The following SETD1B variants were observed in gnomAD, a reference collection of about 807,000 sequenced individuals.
SETD1B encodes SET domain containing 1B, histone lysine methyltransferase.
Under a neutral mutation model 148.0 loss-of-function variants are expected in SETD1B, and 7 were observed. The ratio of observed to expected loss-of-function variants is 0.05; its 90% CI spans 0.03 to 0.09. The LOEUF (loss-of-function observed/expected upper bound fraction) is 0.09, where lower values mean the gene tolerates loss of function less well. Among genes scored for constraint, SETD1B ranks in the 10% least tolerant of loss-of-function variants. The pLI, the probability that SETD1B is intolerant of heterozygous loss-of-function variation, is 1.00. For synonymous variants in SETD1B, 1,361 were observed against 1,186.5 expected, an observed-to-expected ratio of 1.15 and a Z score of -3.02; for missense variants, 2,155 against 2,729.9, an observed-to-expected ratio of 0.79 and a Z score of 4.69.
the SETD1B span, chr12:121,794,344 C>T: frequency 1.3e-5 from 2 of 152,274 alleles, no homozygotes; most frequent in Admixed American, 1.3e-4. Context: ...CGCCCTCTGC[C>T]GGGCAATCGC....
chr12:121,814,091 C>T lies in SETD1B; in HGVS notation c.1891-15C>T, dbSNP rs375750959. ...TCCAGACTCACCTCACTGTCTCTCC[C>T]TGCTCTCTCTGCAGGGCCAGCAGTC... On this transcript the variant is annotated splice_polypyrimidine_tract_variant and intron_variant, in intron 6 of 16. Coordinates refer to ENST00000604567, the MANE Select transcript of SETD1B (RefSeq NM_001353345.2). 2 of 1,544,536 alleles carry T rather than the reference C, an allele frequency of 1.3e-6. No individual in the cohort carries two copies. Among genetic ancestry groups the T allele is most frequent in the South Asian group, 2.4e-5 (2 of 83,686 alleles).
At chr12:121,819,984 G>C (rs11043202) in intron 11 of SETD1B, 89 bp downstream of exon 11, 1 of 1,111,012 alleles carries the variant, frequency 9.0e-7, no homozygotes, top group Non-Finnish European at 1.3e-6. Flanking sequence ...GGGGTAGATC[G>C]CTGACCGTCC....
chr12:121,797,652 G>A, the SETD1B span: 2 of 455,316 alleles, frequency 4.4e-6, no homozygotes, highest in African/African-American at 4.0e-5. Context: ...CTGGGAGGGA[G>A]ACGTACATCA....
chr12:121,814,228 C>T lies in SETD1B; in HGVS notation c.2013C>T (p.Ala671=), dbSNP rs1417791308. The part of the protein sequence containing the change: ...VVTPGAAAVA[A]PSVLAPTLPL... ...CCCCAGGAGCGGCAGCCGTGGCAGC[C>T]CCTTCTGTGCTAGCCCCAACCCTGC... The change falls in exon 7 of 17, where the codon GCC becomes GCT. Residue 671 remains alanine, a synonymous_variant. Transcript: ENST00000604567. The T allele has an allele frequency of 8.5e-6, 13 of 1,534,086 alleles. No homozygotes were observed. Among genetic ancestry groups the T allele is most frequent in the Non-Finnish European group, 1.1e-5 (13 of 1,144,258 alleles).
At chr12:121,797,242 C>T in the SETD1B span, 882 of 360,556 alleles carry the variant, frequency 2.4e-3, 10 homozygotes, top group African/African-American at 0.017. Flanking sequence ...GCGGAGAGGC[C>T]GGAAGAGGCG....
At chr12:121,825,515 GT>G in intron 13 of SETD1B, 149 bp downstream of exon 13, 1 of 619,560 alleles carries the variant, frequency 1.6e-6, no homozygotes, top group Non-Finnish European at 2.7e-6. Context: ...GGAGAGGCGG[GT>G]GGGCGGGGCC....
At position 121,810,346 on chromosome 12, in the gene SETD1B, G is replaced by A; in HGVS notation, c.1401G>A (p.Arg467=). ...CCAACAGCATGGAGCTGGGCGGCCG[G>A]CCCACCTTCGGCTGGAGTCCTGAGC... is the stretch of plus-strand genomic sequence containing the variant. The part of the protein sequence containing the change: ...PDTNSMELGG[R]PTFGWSPEPC... Residue 467 remains arginine, a synonymous_variant, in exon 6 of 17, where the codon CGG becomes CGA. Transcript: ENST00000604567. This position sits in a 1 kb window ranked among gnomAD's most constrained non-coding sequence, Gnocchi z 7.6. The A allele has an allele frequency of 6.5e-7, 1 of 1,546,384 alleles. No individual in the cohort carries two copies. The highest frequency in any genetic ancestry group is 8.7e-7 in the Non-Finnish European group (1 of 1,146,728).
intron 11 of SETD1B, among the ~76,000 whole-genome samples, chr12:121,821,553 C>G (rs558992906): frequency 2.2e-4 from 34 of 151,954 alleles, no homozygotes; most frequent in African/African-American, 7.7e-4. Context: ...AGTTTGAGAC[C>G]AGCCAGGCCA....
upstream of SETD1B, chr12:121,799,547 GC>G: frequency 6.6e-6 from 1 of 152,386 alleles, no homozygotes; most frequent in Non-Finnish European, 1.5e-5. Context: ...GGCACCCAGG[GC>G]CCTCCCCCCG....
chr12:121,815,919 C>T (rs554360858), intron 7 of SETD1B, among the ~76,000 whole-genome samples: 1 of 151,184 alleles, frequency 6.6e-6, no homozygotes, highest in South Asian at 2.1e-4. Context: ...CCTCCACCTC[C>T]TGGGTTCAAG....
chr12:121,827,851 T>A lies in SETD1B; in HGVS notation c.5586T>A (p.Arg1862=). The change falls in exon 15 of 17, where the codon CGT becomes CGA. Residue 1862 remains arginine (R), a synonymous_variant. Coordinates refer to ENST00000604567, the MANE Select transcript of SETD1B (RefSeq NM_001353345.2). ...TCGAGTACGTGGGCCAGAATATCCG[T>A]CAGGTAGGCACCGCCCGGCAGGATG... ...MVIEYVGQNI[R]QVIADMREKR... is the part of the protein sequence containing the mutation. 1 of 1,558,098 alleles carries A rather than the reference T, an allele frequency of 6.4e-7. No homozygotes were observed. Among genetic ancestry groups the A allele is most frequent in the South Asian group, 1.2e-5 (1 of 84,560 alleles).
At position 121,810,151 on chromosome 12, in the gene SETD1B, C is replaced by T; in HGVS notation, c.1206C>T (p.Thr402=). The T allele has an allele frequency of 6.5e-7, 1 of 1,550,014 alleles. No homozygotes were observed. The highest frequency in any genetic ancestry group is 8.7e-7 in the Non-Finnish European group (1 of 1,146,860). The change falls in exon 6 of 17, where the codon ACC becomes ACT. Residue 402 remains threonine (T), a synonymous_variant. Coordinates refer to ENST00000604567, the MANE Select transcript of SETD1B (RefSeq NM_001353345.2). The surrounding 1 kb of genome is among the most constrained non-coding windows in gnomAD (Gnocchi z 7.6). ...AGTCTGCTTTCTCTCCGTATCAGAC[C>T]CCAGTGGCCCACTTCCCTCCACCCC... ...GFKSAFSPYQ[T]PVAHFPPPPE...
rs1385440002 is a variant in SETD1B at position 121,805,518 on chromosome 12, G to A, written c.273+302G>A. ...CTACAGGACAACTTCTTAAGCCTGA[G>A]GGGTCGCCCCTGACCCGGCAGCAGG... On this transcript the variant is annotated intron_variant, in intron 3 of 16. Coordinates refer to ENST00000604567, the MANE Select transcript of SETD1B (RefSeq NM_001353345.2). The surrounding 1 kb of genome is among the most constrained non-coding windows in gnomAD (Gnocchi z 4.2). Among the ~76,000 whole-genome samples, 1 of 152,140 alleles carries A rather than the reference G, an allele frequency of 6.6e-6. No individual in the cohort carries two copies. The highest frequency in any genetic ancestry group is 1.5e-5 in the Non-Finnish European group (1 of 68,010).
chr12:121,804,605 G>A lies in SETD1B; in HGVS notation c.-14-119G>A, dbSNP rs1431379606. 3 of 808,494 alleles carry A rather than the reference G, an allele frequency of 3.7e-6. No homozygotes were observed. The highest frequency in any genetic ancestry group is 5.6e-5 in the East Asian group (2 of 35,844). 50.1% of individuals were successfully genotyped at this position (808,494 alleles called of 1,614,324 possible). ...GGGAGCCAGCGAGACAGCTCCTTTC[G>A]GGGCGCGCTGGCAAGGTGGGAGGGG... On this transcript the variant is annotated intron_variant, in intron 1 of 16. Transcript: ENST00000604567. This position sits in a 1 kb window ranked among gnomAD's most constrained non-coding sequence, Gnocchi z 4.6.
intron 7 of SETD1B, among the ~76,000 whole-genome samples, 193 bp downstream of exon 7, chr12:121,815,123 G>T (rs1031771247): frequency 6.6e-6 from 1 of 152,134 alleles, no homozygotes; most frequent in African/African-American, 2.4e-5. Context: ...AGATGCACAC[G>T]GCTCTTTGAA....
At chr12:121,798,382 G>C in the SETD1B span, among the ~76,000 whole-genome samples, 2 of 152,106 alleles carry the variant, frequency 1.3e-5, no homozygotes, top group Non-Finnish European at 2.9e-5. Context: ...ACGTGCTTCA[G>C]CAGGTGGGCT....
intron 7 of SETD1B, among the ~76,000 whole-genome samples, chr12:121,815,549 G>C (rs889759644): frequency 6.6e-6 from 1 of 151,864 alleles, no homozygotes; most frequent in Non-Finnish European, 1.5e-5. Flanking sequence ...TCGCTGTATC[G>C]TCCAGGCTGG....
At chr12:121,829,186 G>A (rs1219398577) in intron 16 of SETD1B, among the ~76,000 whole-genome samples, 2 of 152,222 alleles carry the variant, frequency 1.3e-5, no homozygotes, top group African/African-American at 4.8e-5. Flanking sequence ...GAGCCATCGG[G>A]CAACAGGTTC....
At chr12:121,802,044 T>TC (rs1182068501), upstream of SETD1B, 1 of 151,318 alleles carries the variant, frequency 6.6e-6, no homozygotes, top group African/African-American at 2.4e-5. Flanking sequence ...ACCCACCAGC[T>TC]CCCCCCAACC....
Sources: gnomAD v4.1 joint callset for allele counts (sites outside exome capture counted in the v4.1 genomes callset) on GRCh38, gnomAD v4.1.1 for gene constraint, Gnocchi (gnomAD v3.1) non-coding constraint, MANE v1.5 for transcripts, NCBI Gene and HGNC (gene_info 2026-07-23, HGNC 2026-07-21) for gene names.